The following NKAIN3 variants were observed in gnomAD, a reference collection of about 807,000 sequenced individuals.
The protein encoded by NKAIN3 is sodium/potassium transporting ATPase interacting 3.
NKAIN3 carries 25 observed loss-of-function variants against 30.2 expected under a neutral mutation model. The observed-to-expected ratio is 0.83, with a 90% CI of 0.60 to 1.16. NKAIN3 has a LOEUF of 1.16. NKAIN3 is among the 50% of genes most tolerant of loss of function. The pLI, the probability that NKAIN3 is intolerant of heterozygous loss-of-function variation, is 0.00. For synonymous variants in NKAIN3, 91 were observed against 89.6 expected (o/e 1.02, Z -0.09); for missense variants, 225 against 254.1 (o/e 0.89, Z 0.78).
intron 1 of NKAIN3, among the ~76,000 whole-genome samples, chr8:62,306,461 T>G (rs534434506): frequency 1.3e-5 from 2 of 149,992 alleles, no homozygotes; most frequent in Admixed American, 6.6e-5. Context: ...TTTTTCCCAG[T>G]GCGAGCCCTA....
intron 4 of NKAIN3, among the ~76,000 whole-genome samples, chr8:62,875,973 A>C (rs189568314): frequency 1.3e-5 from 2 of 152,308 alleles, no homozygotes; most frequent in Non-Finnish European, 2.9e-5. Context: ...CAAAATTGAC[A>C]AATGAGATCT....
chr8:62,367,291 C>T (rs114910510), intron 1 of NKAIN3, among the ~76,000 whole-genome samples: 5,108 of 152,136 alleles, frequency 0.034, 329 homozygotes, highest in African/African-American at 0.12. Context: ...GGGTGATGTC[C>T]CTGATGAACA....
chr8:62,496,936 C>G (rs1807260643), intron 1 of NKAIN3, among the ~76,000 whole-genome samples: 1 of 152,090 alleles, frequency 6.6e-6, no homozygotes, highest in Non-Finnish European at 1.5e-5. Context: ...GTCTTAATAA[C>G]TACAGCGGCT....
At position 62,715,823 on chromosome 8, in the gene NKAIN3, G is replaced by T. The variant is rs182587341; in HGVS notation, c.274-31109G>T. On this transcript the variant is annotated intron_variant, in intron 3 of 6. Transcript: ENST00000623646. ...TAATAGGTTTACCCTTAGACCAACA[G>T]CTGGGACACTCTGGAGCTGAGGGTA... is the stretch of plus-strand genomic sequence containing the variant. Among the ~76,000 whole-genome samples, 544 of 152,266 alleles carry T rather than the reference G, an allele frequency of 3.6e-3. 4 individuals are homozygous for T. The highest frequency in any genetic ancestry group is 0.013 in the African/African-American group (520 of 41,564).
Position 62,975,649 on chromosome 8 carries a change from G to A in NKAIN3, c.*10242G>A, listed in dbSNP as rs113071492. Among the ~76,000 whole-genome samples the A allele has an allele frequency of 6.6e-5, 10 of 151,882 alleles. No individual in the cohort carries two copies. Among genetic ancestry groups the A allele is most frequent in the Admixed American group, 3.3e-4 (5 of 15,234 alleles). On this transcript the variant is annotated 3_prime_UTR_variant, in exon 7 of 7. Coordinates refer to ENST00000623646, the MANE Select transcript of NKAIN3 (RefSeq NM_001304533.3). ...TCATTGATTTTTTGAAGGGTTTTTC[G>A]TATCTCTTTCAGTTCTGTTCTGATC...
intron 4 of NKAIN3, among the ~76,000 whole-genome samples, chr8:62,750,630 G>T (rs1407710163): frequency 3.3e-5 from 5 of 152,158 alleles, no homozygotes; most frequent in Non-Finnish European, 5.9e-5. Flanking sequence ...CGGCTCTCAG[G>T]CTGAGAACGA....
At chr8:62,894,452 T>C (rs1821376595) in intron 4 of NKAIN3, among the ~76,000 whole-genome samples, 1 of 152,152 alleles carries the variant, frequency 6.6e-6, no homozygotes, top group Non-Finnish European at 1.5e-5. Flanking sequence ...TTTGTTTGTG[T>C]TTTGTTGTTA....
At chr8:62,601,141 A>G (rs1810972974) in intron 3 of NKAIN3, among the ~76,000 whole-genome samples, 1 of 152,084 alleles carries the variant, frequency 6.6e-6, no homozygotes, top group African/African-American at 2.4e-5. Context: ...TGCATCTCAT[A>G]GAGTTCTTTT....
At chr8:62,447,159 A>G (rs1805509899) in intron 1 of NKAIN3, among the ~76,000 whole-genome samples, 1 of 152,088 alleles carries the variant, frequency 6.6e-6, no homozygotes, top group Non-Finnish European at 1.5e-5. Flanking sequence ...TTACCTAGAC[A>G]AAATCGGCAC....
chr8:62,470,871 G>C (rs1806313431), intron 1 of NKAIN3, among the ~76,000 whole-genome samples: 1 of 151,844 alleles, frequency 6.6e-6, no homozygotes. Flanking sequence ...AATATGTGTA[G>C]ATCTTATTGA....
At chr8:62,870,301 C>CTATAGATATCTATATCTAT (rs1820585223) in intron 4 of NKAIN3, among the ~76,000 whole-genome samples, 1 of 37,446 alleles carries the variant, frequency 2.7e-5, no homozygotes, top group Non-Finnish European at 5.5e-5. Flanking sequence ...GATATATATA[C>CTATAGATATCTATATCTAT]ATCTATATAT....
intron 3 of NKAIN3, among the ~76,000 whole-genome samples, chr8:62,699,697 C>A (rs1374054819): frequency 6.6e-6 from 1 of 152,164 alleles, no homozygotes; most frequent in Non-Finnish European, 1.5e-5. Flanking sequence ...GTGTTATTAA[C>A]ATTCCTGGAG....
intron 3 of NKAIN3, among the ~76,000 whole-genome samples, chr8:62,681,633 T>C (rs1424609167): frequency 2.0e-5 from 3 of 152,088 alleles, no homozygotes; most frequent in South Asian, 4.1e-4. Flanking sequence ...TGTTAGAAAA[T>C]CATGTTATTT....
chr8:62,634,181 T>A lies in NKAIN3; in HGVS notation c.273+44387T>A, dbSNP rs116248481. ...AATGTCTTATCTGAGGTTTTTTTTTTCCTCAGGAAACCAACAATCAGGCCT... is the reference window on the plus strand; with the variant it reads ...AATGTCTTATCTGAGGTTTTTTTTTACCTCAGGAAACCAACAATCAGGCCT... On this transcript the variant is annotated intron_variant, in intron 3 of 6. Transcript: ENST00000623646. Among the ~76,000 whole-genome samples the A allele has an allele frequency of 3.3e-5, 5 of 152,104 alleles. No homozygotes were observed. In the East Asian group the frequency reaches 5.8e-4, roughly 18 times the overall value.
At chr8:62,947,865 G>A (rs1187461702) in intron 5 of NKAIN3, among the ~76,000 whole-genome samples, 1 of 152,212 alleles carries the variant, frequency 6.6e-6, no homozygotes, top group African/African-American at 2.4e-5. Flanking sequence ...AGCTGCTCCT[G>A]CAGCCTCCCG....
chr8:62,553,737 T>C (rs1809297575), intron 1 of NKAIN3, among the ~76,000 whole-genome samples: 1 of 151,860 alleles, frequency 6.6e-6, no homozygotes, highest in East Asian at 1.9e-4. Context: ...AGGGTTTCAC[T>C]ATGTTGGCCA....
chr8:62,791,112 C>T (rs918580010), intron 4 of NKAIN3, among the ~76,000 whole-genome samples: 3 of 152,004 alleles, frequency 2.0e-5, no homozygotes, highest in Non-Finnish European at 4.4e-5. Context: ...TGCTGCATCC[C>T]ACTGGTCAAA....
chr8:62,952,640 A>G (rs1358771434), intron 5 of NKAIN3, among the ~76,000 whole-genome samples: 1 of 152,178 alleles, frequency 6.6e-6, no homozygotes, highest in East Asian at 1.9e-4. Context: ...CGTTACATTC[A>G]AGATCAATTG....
At chr8:62,860,414 A>G (rs1820204918) in intron 4 of NKAIN3, among the ~76,000 whole-genome samples, 1 of 152,234 alleles carries the variant, frequency 6.6e-6, no homozygotes, top group Non-Finnish European at 1.5e-5. Flanking sequence ...GAAAAGATTA[A>G]TGACATTGTG....
Sources: gnomAD v4.1 joint callset for allele counts (sites outside exome capture counted in the v4.1 genomes callset) on GRCh38, gnomAD v4.1.1 for gene constraint, MANE v1.5 for transcripts, NCBI Gene and HGNC (gene_info 2026-07-23, HGNC 2026-07-21) for gene names.